Variants in ZNF726 observed in about 807,000 individuals in gnomAD.
ZNF726 encodes zinc finger protein 726.
A neutral mutation model predicts 11.6 loss-of-function variants in ZNF726; 15 were observed. The ratio of observed to expected loss-of-function variants is 1.29; its 90% CI spans 0.86 to 1.99. The LOEUF (loss-of-function observed/expected upper bound fraction) is 1.99, where lower values mean the gene tolerates loss of function less well. Ranked by LOEUF, ZNF726 falls within the 30% of genes most tolerant of loss-of-function variation. ZNF726 has a pLI of 0.00. For missense variants in ZNF726, 890 were observed against 725.6 expected (o/e 1.23, Z -2.60); for synonymous variants, 295 against 243.6 (o/e 1.21, Z -1.96).
At chr19:23,928,735 T>C (rs1490211544) in intron 3 of ZNF726, 2 of 152,216 alleles carry the variant, frequency 1.3e-5, no homozygotes, top group East Asian at 3.8e-4. Flanking sequence ...TGGCATATGG[T>C]TTGCTTTTTC....
At chr19:23,919,679 C>T (rs1967794002) in intron 2 of ZNF726, 180 bp downstream of exon 2, 3 of 722,362 alleles carry the variant, frequency 4.2e-6, no homozygotes, top group Admixed American at 7.4e-5. Flanking sequence ...TTCCACATTC[C>T]TGAGCTGATC....
chr19:23,924,217 AT>A (rs77938116), intron 3 of ZNF726, among the ~76,000 whole-genome samples: 7,073 of 137,696 alleles, frequency 0.051, 268 homozygotes, highest in South Asian at 0.083. Context: ...CTAATTTTGT[AT>A]TTTTTTTTTT....
downstream of ZNF726, among the ~76,000 whole-genome samples, chr19:23,934,672 C>T (rs1022634120): frequency 2.6e-5 from 4 of 152,176 alleles, no homozygotes; most frequent in African/African-American, 4.8e-5. Context: ...TCAGACACAC[C>T]GGGTTTGGAT....
In ZNF726 at chr19:23,914,999, TGA is replaced by T; in HGVS notation, c.3+6_3+7del. On this transcript the variant is annotated splice_donor_region_variant and intron_variant, in intron 1 of 3. Coordinates refer to ENST00000594466, the MANE Select transcript of ZNF726 (RefSeq NM_001244038.2). ...CTGCCCCCTGGAAGCCTAGAAATGG[TGA>T]GAGTGCCGGGTGCGACATCCCAAGA... 2.5e-6 allele frequency: 4 copies of T among 1,613,644 alleles called. No homozygotes were observed. Among genetic ancestry groups the T allele is most frequent in the Non-Finnish European group, 2.5e-6 (3 of 1,179,958 alleles).
Position 23,933,275 on chromosome 19 carries a change from C to T in ZNF726, c.1159C>T (p.His387Tyr). 5 of 1,613,090 alleles carry T rather than the reference C, an allele frequency of 3.1e-6. No individual in the cohort carries two copies. Among genetic ancestry groups the T allele is most frequent in the Non-Finnish European group, 4.2e-6 (5 of 1,179,952 alleles). Residue 387 changes from histidine (H) to tyrosine (Y), a missense_variant, in exon 4 of 4, where the codon CAT becomes TAT. Coordinates refer to ENST00000594466, the MANE Select transcript of ZNF726 (RefSeq NM_001244038.2). ...AFIWPSTLTKHKRIHTGEKPY... is the reference protein window; with the variant it reads ...AFIWPSTLTKYKRIHTGEKPY... ...TATATGGCCCTCAACCCTAACTAAA[C>T]ATAAGAGGATTCACACTGGAGAGAA...
At chr19:23,918,598 C>T (rs1052971562) in intron 1 of ZNF726, among the ~76,000 whole-genome samples, 5 of 152,122 alleles carry the variant, frequency 3.3e-5, no homozygotes, top group African/African-American at 9.7e-5. Context: ...AAGACTTGTC[C>T]TAGTGCAGTT....
At chr19:23,937,391 G>C (rs1968260340), downstream of ZNF726, among the ~76,000 whole-genome samples, 1 of 151,858 alleles carries the variant, frequency 6.6e-6, no homozygotes, top group African/African-American at 2.4e-5. Context: ...TCTCAGACGG[G>C]GTGGCTGCCG....
chr19:23,919,375 A>G lies in ZNF726; in HGVS notation c.6A>G (p.Gly2=). Residue 2 remains glycine, a splice_region_variant and synonymous_variant, in exon 2 of 4, where the codon GGA becomes GGG. Coordinates refer to ENST00000594466, the MANE Select transcript of ZNF726 (RefSeq NM_001244038.2). The part of the protein sequence containing the change: M[G]LLTFRDVAIE... ...GTGTGTTTGTGTGTATTTTCCAGGG[A>G]CTGTTGACATTTAGGGATGTGGCCA... The G allele has an allele frequency of 1.2e-6, 2 of 1,605,166 alleles. No homozygotes were observed. The highest frequency in any genetic ancestry group is 2.2e-5 in the East Asian group (1 of 44,652).
chr19:23,937,872 C>T (rs1968272835), downstream of ZNF726, among the ~76,000 whole-genome samples: 1 of 152,238 alleles, frequency 6.6e-6, no homozygotes, highest in Non-Finnish European at 1.5e-5. Flanking sequence ...ACTTGAAAAA[C>T]ATTCTTTAGT....
chr19:23,936,482 A>G (rs1968233128), downstream of ZNF726, among the ~76,000 whole-genome samples: 1 of 145,944 alleles, frequency 6.9e-6, no homozygotes, highest in Non-Finnish European at 1.5e-5. Flanking sequence ...TGGTGTATTC[A>G]CATGTGAAAA....
rs1280438291 is a variant in ZNF726, at chr19:23,934,033, G to T, written c.*66G>T. ...ATATGGTCCTCAACGCTAAACATAA[G>T]AGGATGCACACTGGAGAGAAACCCT... On this transcript the variant is annotated 3_prime_UTR_variant, in exon 4 of 4. Transcript: ENST00000594466. 6.5e-7 allele frequency: 1 copy of T among 1,541,820 alleles called. No homozygotes were observed. Among genetic ancestry groups the T allele is most frequent in the African/African-American group, 1.4e-5 (1 of 72,936 alleles).
downstream of ZNF726, among the ~76,000 whole-genome samples, chr19:23,937,418 A>G (rs1382747071): frequency 6.6e-6 from 1 of 150,794 alleles, no homozygotes; most frequent in Non-Finnish European, 1.5e-5. Context: ...GGGGCTCCTC[A>G]CTTCTCAGAC....
chr19:23,942,361 G>T (rs532844940), intron 3 of ZNF726, among the ~76,000 whole-genome samples: 2 of 152,156 alleles, frequency 1.3e-5, no homozygotes, highest in South Asian at 2.1e-4. Flanking sequence ...ATTTATTGAG[G>T]CTCGTTTTAT....
intron 3 of ZNF726, among the ~76,000 whole-genome samples, chr19:23,930,597 C>T (rs1207465797): frequency 6.6e-6 from 1 of 151,666 alleles, no homozygotes; most frequent in Non-Finnish European, 1.5e-5. Context: ...TAAATGTTAT[C>T]CTTGTATTTT....
intron 3 of ZNF726, among the ~76,000 whole-genome samples, chr19:23,939,658 C>T (rs1371868088): frequency 6.6e-6 from 1 of 152,068 alleles, no homozygotes; most frequent in Non-Finnish European, 1.5e-5. Flanking sequence ...GAAGTGTTCC[C>T]TGATCACTGC....
chr19:23,923,884 T>C (rs1967917863), intron 3 of ZNF726: 1 of 152,710 alleles, frequency 6.5e-6, no homozygotes, highest in Non-Finnish European at 1.5e-5. Context: ...ATTGGTTTTT[T>C]CTTATATATT....
downstream of ZNF726, among the ~76,000 whole-genome samples, chr19:23,937,163 CAG>C (rs1322525297): frequency 6.7e-6 from 1 of 149,446 alleles, no homozygotes; most frequent in Non-Finnish European, 1.5e-5. Flanking sequence ...CCCTCCCAGA[CAG>C]GGTGGCTGGC....
intron 3 of ZNF726, among the ~76,000 whole-genome samples, chr19:23,926,276 C>T (rs1385479513): frequency 3.3e-5 from 5 of 152,032 alleles, no homozygotes; most frequent in South Asian, 2.1e-4. Flanking sequence ...GTTATCCGGT[C>T]GGGTGCGGTG....
intron 1 of ZNF726, among the ~76,000 whole-genome samples, chr19:23,917,770 T>TAAA (rs1017103282): frequency 5.9e-5 from 9 of 152,368 alleles, no homozygotes; most frequent in African/African-American, 2.2e-4. Flanking sequence ...GTAAGCACCT[T>TAAA]AAAATGTTCT....
Sources: gnomAD v4.1 joint callset for allele counts (sites outside exome capture counted in the v4.1 genomes callset) on GRCh38, gnomAD v4.1.1 for gene constraint, MANE v1.5 for transcripts, NCBI Gene and HGNC (gene_info 2026-07-23, HGNC 2026-07-21) for gene names.